SVIL: variants seen among roughly 807,000 people sequenced by gnomAD.
SVIL encodes the protein supervillin.
In SVIL, 101 loss-of-function variants were observed where a neutral mutation model predicts 240.4. The observed-to-expected ratio is 0.42, with a 90% CI of 0.36 to 0.50. The LOEUF (loss-of-function observed/expected upper bound fraction) is 0.50. Among genes scored for constraint, SVIL ranks in the 20% least tolerant of loss-of-function variants. The pLI is 0.01. For missense variants in SVIL, 2,512 were observed against 2,818.7 expected (o/e 0.89, Z 2.46); for synonymous variants, 999 against 1,100.0 (o/e 0.91, Z 1.82).
chr10:29,528,610 G>C (rs1275035365), intron 12 of SVIL, among the ~76,000 whole-genome samples: 1 of 151,866 alleles, frequency 6.6e-6, no homozygotes, highest in Middle Eastern at 3.2e-3. Context: ...GTGGTGGTTG[G>C]GCCTACAGTC....
intron 3 of SVIL, among the ~76,000 whole-genome samples, chr10:29,641,843 C>T (rs1364867781): frequency 6.6e-6 from 1 of 152,168 alleles, no homozygotes; most frequent in Non-Finnish European, 1.5e-5. Context: ...ACCAGCACCA[C>T]ATTTAGATAA....
intron 1 of SVIL, among the ~76,000 whole-genome samples, chr10:29,573,909 T>C (rs1487045689): frequency 6.6e-6 from 1 of 152,236 alleles, no homozygotes; most frequent in African/African-American, 2.4e-5. Flanking sequence ...TTGGCCAGGC[T>C]GCTCTCGAAC....
At chr10:29,678,208 A>G (rs1960349951) in intron 2 of SVIL, among the ~76,000 whole-genome samples, 1 of 151,970 alleles carries the variant, frequency 6.6e-6, no homozygotes, top group Admixed American at 6.6e-5. Context: ...ATTGTAATAT[A>G]TAAGAAATAA....
At chr10:29,587,365 G>A (rs112078067) in intron 1 of SVIL, among the ~76,000 whole-genome samples, 6 of 152,026 alleles carry the variant, frequency 3.9e-5, no homozygotes, top group Non-Finnish European at 7.3e-5. Flanking sequence ...ACCAGCCTCC[G>A]CAGTCTGCCT....
chr10:29,559,226 A>G (rs1170610245), intron 3 of SVIL, among the ~76,000 whole-genome samples: 1 of 152,066 alleles, frequency 6.6e-6, no homozygotes, highest in Non-Finnish European at 1.5e-5. Flanking sequence ...TTTTTGTAAT[A>G]TCAGACGTAC....
At position 29,715,471 on chromosome 10, in the gene SVIL, A is replaced by G. The variant is rs115429682; in HGVS notation, c.-400+20280T>C. 2.9e-3 allele frequency among the ~76,000 whole-genome samples: 441 copies of G among 152,350 alleles called. 2 individuals are homozygous for G. The highest frequency in any genetic ancestry group is 0.01 in the African/African-American group (420 of 41,580). On this transcript the variant is annotated intron_variant, in intron 1 of 35. Coordinates refer to the SVIL transcript ENST00000375400. ...ACCTCTGCCGACAACATTCCCATCC[A>G]ACTAAGATCAAGCCAGATTGCTCTT...
At chr10:29,616,345 C>T (rs144898970) in intron 1 of SVIL, among the ~76,000 whole-genome samples, 34 of 152,248 alleles carry the variant, frequency 2.2e-4, no homozygotes, top group African/African-American at 8.2e-4. Flanking sequence ...CCTGTATTTC[C>T]ATTTTTAAGA....
chr10:29,539,401 G>A (rs750412599), intron 6 of SVIL, among the ~76,000 whole-genome samples: 2 of 152,104 alleles, frequency 1.3e-5, no homozygotes, highest in Admixed American at 6.5e-5. Flanking sequence ...TCACCAGGAG[G>A]GCCTGACTTT....
chr10:29,554,778 C>G lies in SVIL; in HGVS notation c.160+5G>C. The G allele has an allele frequency of 6.3e-7, 1 of 1,582,432 alleles. No individual in the cohort carries two copies. The highest frequency in any genetic ancestry group is 8.6e-7 in the Non-Finnish European group (1 of 1,166,026). On this transcript the variant is annotated splice_donor_5th_base_variant and intron_variant, in intron 5 of 37. Coordinates refer to ENST00000355867, the MANE Select transcript of SVIL (RefSeq NM_021738.3). ...GGAAAATGGGCCACCCAGCTCCACG[C>G]TCACCGATGTGGGGGCTGGCAGGGT...
chr10:29,693,932 G>C (rs1013780941), intron 1 of SVIL, among the ~76,000 whole-genome samples: 5 of 150,512 alleles, frequency 3.3e-5, no homozygotes, highest in Non-Finnish European at 7.4e-5. Flanking sequence ...TAGATAGATA[G>C]ATACATATAT....
intron 1 of SVIL, among the ~76,000 whole-genome samples, chr10:29,606,326 C>A (rs1209685818): frequency 2.0e-5 from 3 of 152,180 alleles, no homozygotes; most frequent in Non-Finnish European, 4.4e-5. Context: ...ATTACAGACA[C>A]TGGCCACTGC....
intron 2 of SVIL, among the ~76,000 whole-genome samples, chr10:29,661,097 TC>T (rs200393935): frequency 0.029 from 4,341 of 149,368 alleles, 76 homozygotes; most frequent in Non-Finnish European, 0.044. Context: ...AACCAGGGAG[TC>T]GGAGGTTGCA....
At chr10:29,691,523 A>C (rs1365526724) in intron 1 of SVIL, among the ~76,000 whole-genome samples, 1 of 152,166 alleles carries the variant, frequency 6.6e-6, no homozygotes, top group African/African-American at 2.4e-5. Flanking sequence ...AATAATGAAT[A>C]ATTTTTAAAG....
chr10:29,478,107 T>C (rs1236920109), intron 29 of SVIL, among the ~76,000 whole-genome samples: 1 of 152,170 alleles, frequency 6.6e-6, no homozygotes, highest in African/African-American at 2.4e-5. Context: ...TCTTTAAAGT[T>C]CCCAGTTCCA....
chr10:29,659,608 G>GA lies in SVIL; in HGVS notation c.-300-1541dup, dbSNP rs574872466. Among the ~76,000 whole-genome samples, 509 of 152,236 alleles carry GA rather than the reference G, an allele frequency of 3.3e-3. 5 individuals are homozygous for GA. Among genetic ancestry groups the GA allele is most frequent in the African/African-American group, 0.012 (486 of 41,556 alleles). On this transcript the variant is annotated intron_variant, in intron 2 of 35. Transcript: ENST00000375400. Reference sequence around the variant, plus strand: ...GCCCAGCCCCAGAGGCAACTTCTAGGAAAAAATCATCTTGTGATGGGTGCG... The same window carrying GA: ...GCCCAGCCCCAGAGGCAACTTCTAGGAAAAAAATCATCTTGTGATGGGTGCG...
intron 21 of SVIL, among the ~76,000 whole-genome samples, chr10:29,491,830 G>A (rs754757628): frequency 9.9e-5 from 15 of 152,232 alleles, no homozygotes; most frequent in African/African-American, 2.4e-5. Context: ...GTGACATTGT[G>A]TGGGCGGAAG....
At chr10:29,736,643 C>T (rs1964913238), upstream of SVIL, 1 of 152,332 alleles carries the variant, frequency 6.6e-6, no homozygotes, top group Non-Finnish European at 1.5e-5. Flanking sequence ...CGCCCACACT[C>T]ACGCGCCCAC....
At chr10:29,682,573 C>T (rs914968135) in intron 2 of SVIL, among the ~76,000 whole-genome samples, 19 of 152,020 alleles carry the variant, frequency 1.2e-4, no homozygotes, top group African/African-American at 4.6e-4. Context: ...ATAATTATTA[C>T]ATAATTAATA....
chr10:29,565,723 C>T lies in SVIL; in HGVS notation c.-142-2431G>A, dbSNP rs1954912012. ...TGGGCAACATAGCAAGATCCCATCT[C>T]TAAAAAAAAAAATAGGAAAATTAGC... is the stretch of plus-strand genomic sequence containing the variant. On this transcript the variant is annotated intron_variant, in intron 2 of 37. Coordinates refer to ENST00000355867, the MANE Select transcript of SVIL (RefSeq NM_021738.3). Among the ~76,000 whole-genome samples, 4 of 111,926 alleles carry T rather than the reference C, an allele frequency of 3.6e-5. No individual in the cohort carries two copies. In the South Asian group the frequency reaches 1.2e-3, roughly 33 times the overall value. The allele number at this position is 111,926 out of a possible 152,430, so 73.4% of individuals were successfully genotyped here. A position where few individuals can be genotyped will look rare whatever the true frequency, so the allele number is the denominator to read the frequency against.
Sources: gnomAD v4.1 joint callset for allele counts (sites outside exome capture counted in the v4.1 genomes callset) on GRCh38, gnomAD v4.1.1 for gene constraint, MANE v1.5 for transcripts, NCBI Gene and HGNC (gene_info 2026-07-23, HGNC 2026-07-21) for gene names.